SAMD5: variants seen among roughly 807,000 people sequenced by gnomAD.
SAMD5 encodes sterile alpha motif domain containing 5, also known as sterile alpha motif domain-containing protein 5.
A neutral mutation model predicts 11.3 loss-of-function variants in SAMD5; 13 were observed. The observed-to-expected ratio is 1.15, with a 90% CI of 0.75 to 1.83. The LOEUF is 1.83. Among genes scored for constraint, SAMD5 ranks in the 40% most tolerant of loss-of-function variants. SAMD5 has a pLI of 0.00. For missense variants in SAMD5, 255 were observed against 239.1 expected (o/e 1.07, Z -0.44); for synonymous variants, 129 against 111.3 (o/e 1.16, Z -1.00).
At chr6:147,554,248 C>T (rs1008492700) in intron 1 of SAMD5, among the ~76,000 whole-genome samples, 3 of 152,108 alleles carry the variant, frequency 2.0e-5, no homozygotes, top group Non-Finnish European at 2.9e-5. Flanking sequence ...AATTACCTTC[C>T]GCTGGGTCCC....
At position 147,699,808 on chromosome 6, in the gene SAMD5, C is replaced by T. The variant is rs907873004; in HGVS notation, c.163-37509C>T. Among the ~76,000 whole-genome samples the T allele has an allele frequency of 2.6e-5, 4 of 152,168 alleles. No homozygotes were observed. The South Asian group carries it at 6.2e-4, about 24-fold the overall frequency. Reference sequence around the variant, plus strand: ...TACATGACTCAAGATGAGCAAGACTCAGGGTACTATGAAGCTGCTGTTTGA... The same window carrying T: ...TACATGACTCAAGATGAGCAAGACTTAGGGTACTATGAAGCTGCTGTTTGA... On this transcript the variant is annotated intron_variant, in intron 1 of 1. Transcript: ENST00000566741.
the SAMD5 span, among the ~76,000 whole-genome samples, chr6:147,847,230 G>A: frequency 1.3e-5 from 2 of 152,028 alleles, no homozygotes; most frequent in African/African-American, 4.8e-5. Context: ...GCAGGTTTCT[G>A]TATAATCTCT....
chr6:147,753,580 A>C, the SAMD5 span, among the ~76,000 whole-genome samples: 1 of 152,056 alleles, frequency 6.6e-6, no homozygotes, highest in East Asian at 1.9e-4. Flanking sequence ...TACACTCTTT[A>C]AGTCATTTTA....
At chr6:147,842,141 T>TA in the SAMD5 span, among the ~76,000 whole-genome samples, 5 of 151,926 alleles carry the variant, frequency 3.3e-5, no homozygotes, top group South Asian at 2.1e-4. Context: ...ATTAAATGGT[T>TA]AAAAAAACAG....
chr6:147,888,343 T>G, the SAMD5 span, among the ~76,000 whole-genome samples: 3 of 151,876 alleles, frequency 2.0e-5, no homozygotes, highest in African/African-American at 4.8e-5. Context: ...GCAGGCCTGA[T>G]AGTGATGAGT....
the SAMD5 span, among the ~76,000 whole-genome samples, chr6:147,943,562 A>T: frequency 6.6e-6 from 1 of 152,040 alleles, no homozygotes; most frequent in African/African-American, 2.4e-5. Flanking sequence ...AGGCTCCCAG[A>T]AAGCTGCAGC....
chr6:147,851,316 T>C, the SAMD5 span, among the ~76,000 whole-genome samples: 1 of 152,186 alleles, frequency 6.6e-6, no homozygotes, highest in Non-Finnish European at 1.5e-5. Flanking sequence ...CTGTATCATA[T>C]GTATGTATAG....
At chr6:147,778,640 T>C in the SAMD5 span, among the ~76,000 whole-genome samples, 3 of 152,174 alleles carry the variant, frequency 2.0e-5, no homozygotes, top group Admixed American at 6.5e-5. Context: ...AGAGCTTTGA[T>C]TGGGTCTTGG....
At chr6:147,634,943 C>T (rs1790205376) in intron 1 of SAMD5, among the ~76,000 whole-genome samples, 1 of 116,344 alleles carries the variant, frequency 8.6e-6, no homozygotes, top group African/African-American at 2.7e-5. Context: ...TAGTAGTACA[C>T]AGAGGACCTT....
At chr6:147,654,925 C>T (rs751705961) in intron 1 of SAMD5, among the ~76,000 whole-genome samples, 7 of 152,132 alleles carry the variant, frequency 4.6e-5, no homozygotes, top group South Asian at 2.1e-4. Flanking sequence ...GTGGCAGGCA[C>T]GTCTGGGGTC....
At chr6:147,951,245 G>A in the SAMD5 span, among the ~76,000 whole-genome samples, 2 of 150,472 alleles carry the variant, frequency 1.3e-5, no homozygotes, top group African/African-American at 4.9e-5. Flanking sequence ...GCAGTGGCGC[G>A]ATCTCGGCTC....
chr6:147,539,368 A>G (rs2128441854), intron 1 of SAMD5, among the ~76,000 whole-genome samples: 1 of 152,286 alleles, frequency 6.6e-6, no homozygotes, highest in African/African-American at 2.4e-5. Context: ...AGGTGTGCAA[A>G]GAGTCAAGTA....
At chr6:147,655,770 A>G (rs1439499526) in intron 1 of SAMD5, among the ~76,000 whole-genome samples, 1 of 152,208 alleles carries the variant, frequency 6.6e-6, no homozygotes, top group Non-Finnish European at 1.5e-5. Context: ...TTCATTGTGA[A>G]AAAGTGTGTT....
At chr6:147,742,289 T>G (rs1171721285), downstream of SAMD5, among the ~76,000 whole-genome samples, 3 of 152,088 alleles carry the variant, frequency 2.0e-5, 1 homozygote, top group African/African-American at 7.2e-5. Flanking sequence ...CTGTGCTTTT[T>G]TTCCTTTACA....
the SAMD5 span, among the ~76,000 whole-genome samples, chr6:147,855,846 A>G: frequency 6.6e-6 from 1 of 152,160 alleles, no homozygotes; most frequent in African/African-American, 2.4e-5. Context: ...CAATACCACC[A>G]CTTTGGAAAA....
chr6:147,930,669 A>C, the SAMD5 span, among the ~76,000 whole-genome samples: 1 of 152,088 alleles, frequency 6.6e-6, no homozygotes, highest in African/African-American at 2.4e-5. Context: ...AGAAGCTGAC[A>C]ATGTAGGCCA....
chr6:147,660,626 C>T (rs1395513153), intron 1 of SAMD5: 3 of 152,184 alleles, frequency 2.0e-5, no homozygotes, highest in African/African-American at 4.8e-5. Context: ...CTCCCACCCT[C>T]GCTGTTCTCG....
chr6:147,720,849 T>TC (rs1228035197), intron 1 of SAMD5, among the ~76,000 whole-genome samples: 1 of 88,396 alleles, frequency 1.1e-5, no homozygotes, highest in African/African-American at 4.4e-5. Flanking sequence ...CCCTCCCCCC[T>TC]CCCCCCACCC....
intron 1 of SAMD5, among the ~76,000 whole-genome samples, chr6:147,612,905 A>G (rs1237674833): frequency 6.6e-6 from 1 of 152,140 alleles, no homozygotes; most frequent in Admixed American, 6.5e-5. Flanking sequence ...CTCAGCTTTT[A>G]TGGAAAAATT....
Sources: gnomAD v4.1 joint callset for allele counts (sites outside exome capture counted in the v4.1 genomes callset) on GRCh38, gnomAD v4.1.1 for gene constraint, MANE v1.5 for transcripts, NCBI Gene and HGNC (gene_info 2026-07-23, HGNC 2026-07-21) for gene names.